The following PREP variants were observed in gnomAD, a reference collection of about 807,000 sequenced individuals.
PREP encodes prolyl endopeptidase, also known as dJ355L5.1 (prolyl endopeptidase).
A neutral mutation model predicts 87.6 loss-of-function variants in PREP; 29 were observed. That is an observed-to-expected ratio of 0.33 (90% CI 0.25 to 0.45). The LOEUF is 0.45. Ranked by LOEUF, PREP falls within the 20% of genes least tolerant of loss-of-function variation. The pLI, the probability that PREP is intolerant of heterozygous loss-of-function variation, is 1.00. For missense variants in PREP, 695 were observed against 886.5 expected, an observed-to-expected ratio of 0.78 and a Z score of 2.74; for synonymous variants, 337 against 328.6, an observed-to-expected ratio of 1.03 and a Z score of -0.28.
chr6:105,378,439 G>A (rs965400324), intron 2 of PREP, among the ~76,000 whole-genome samples: 3 of 152,188 alleles, frequency 2.0e-5, no homozygotes. Context: ...CAGCCTGGGC[G>A]ACACAGGGAG....
rs918467379 is a variant in PREP at position 105,281,536 on chromosome 6, C to G, written c.1838+210G>C. 4 of 532,758 alleles carry G rather than the reference C, an allele frequency of 7.5e-6. No individual in the cohort carries two copies. The South Asian group carries it at 1.2e-4, about 15-fold the overall frequency. The allele number at this position is 532,758 out of a possible 1,614,324, so 33.0% of individuals were successfully genotyped here. ...ATCTTGGGAGGCCATCTGTAGAATT[C>G]TGCCCTACCACATTTTTTGTAGTTT... On this transcript the variant is annotated intron_variant, in intron 14 of 14. Transcript: ENST00000652536.
chr6:105,382,070 C>G (rs1357486763), intron 2 of PREP, among the ~76,000 whole-genome samples: 1 of 151,908 alleles, frequency 6.6e-6, no homozygotes, highest in Non-Finnish European at 1.5e-5. Flanking sequence ...ATGAATACCT[C>G]ATGCTCTCAC....
In PREP at chr6:105,290,321, CAA is replaced by C. The variant is rs765953684; in HGVS notation, c.1318-1429_1318-1428del. Among the ~76,000 whole-genome samples the C allele has an allele frequency of 3.3e-5, 5 of 152,260 alleles. No individual in the cohort carries two copies. In the South Asian group the frequency reaches 6.2e-4, roughly 19 times the overall value. ...GAGCTAAAATACATAGCCTTCAACT[CAA>C]GAGTTAGAATTCACAGCACTATACC... On this transcript the variant is annotated intron_variant, in intron 10 of 14. Coordinates refer to ENST00000652536, the MANE Select transcript of PREP (RefSeq NM_002726.5).
chr6:105,340,056 T>A (rs1044449319), intron 7 of PREP, among the ~76,000 whole-genome samples: 5 of 151,818 alleles, frequency 3.3e-5, no homozygotes, highest in African/African-American at 1.2e-4. Context: ...ACAGAGATAC[T>A]CCTCGAGAAG....
chr6:105,393,829 C>T (rs1271138071), intron 2 of PREP, among the ~76,000 whole-genome samples: 2 of 151,860 alleles, frequency 1.3e-5, no homozygotes, highest in Non-Finnish European at 2.9e-5. Context: ...TAGATTAAAT[C>T]GAAACTCTAT....
At chr6:105,340,599 A>G in intron 7 of PREP, among the ~76,000 whole-genome samples, 1 of 152,234 alleles carries the variant, frequency 6.6e-6, no homozygotes, top group Non-Finnish European at 1.5e-5. Context: ...AGATTGGCAA[A>G]TTGGATAAAG....
At chr6:105,306,889 C>T (rs1770668283) in intron 10 of PREP, among the ~76,000 whole-genome samples, 2 of 152,178 alleles carry the variant, frequency 1.3e-5, no homozygotes, top group African/African-American at 2.4e-5. Context: ...TCCAGGCTCA[C>T]ATGCTATGGG....
chr6:105,392,882 C>G (rs1773193636), intron 2 of PREP, among the ~76,000 whole-genome samples: 2 of 152,110 alleles, frequency 1.3e-5, no homozygotes, highest in South Asian at 4.1e-4. Context: ...CGGCCCCATG[C>G]TGACCTGTTC....
rs1446903874 is a variant in PREP at position 105,274,599 on chromosome 6, C to G, written c.*3545G>C. On this transcript the variant is annotated 3_prime_UTR_variant, in exon 15 of 15. Transcript: ENST00000652536. ...TGGCCAACATGGTGAAACCCCATCT[C>G]TACTAAAAATACAAAAAGATTAGCC... Among the ~76,000 whole-genome samples the G allele has an allele frequency of 6.6e-6, 1 of 152,050 alleles. No homozygotes were observed. Among genetic ancestry groups the G allele is most frequent in the Non-Finnish European group, 1.5e-5 (1 of 68,024 alleles).
chr6:105,342,260 A>G (rs1382544267), intron 7 of PREP, among the ~76,000 whole-genome samples: 2 of 152,256 alleles, frequency 1.3e-5, no homozygotes, highest in East Asian at 1.9e-4. Flanking sequence ...AATCCATCAT[A>G]TAAACAGAAT....
rs1314678563 is a variant in PREP, at chr6:105,274,989, T to G, written c.*3155A>C. Among the ~76,000 whole-genome samples, 1 of 152,178 alleles carries G rather than the reference T, an allele frequency of 6.6e-6. No homozygotes were observed. Among genetic ancestry groups the G allele is most frequent in the Non-Finnish European group, 1.5e-5 (1 of 68,026 alleles). On this transcript the variant is annotated 3_prime_UTR_variant, in exon 15 of 15. Coordinates refer to ENST00000652536, the MANE Select transcript of PREP (RefSeq NM_002726.5). ...TACCATCTGTCTCCTCCCTGGAATA[T>G]CAACTGGATGAGGGCAGGACATTTT...
chr6:105,351,711 C>T (rs1398419518), intron 7 of PREP, among the ~76,000 whole-genome samples: 1 of 152,186 alleles, frequency 6.6e-6, no homozygotes, highest in African/African-American at 2.4e-5. Context: ...TTCGTTCAGG[C>T]TCAATCTTAA....
At chr6:105,385,612 T>C (rs1772971424) in intron 2 of PREP, among the ~76,000 whole-genome samples, 1 of 152,220 alleles carries the variant, frequency 6.6e-6, no homozygotes, top group African/African-American at 2.4e-5. Flanking sequence ...TTGTCCCAGA[T>C]AACTCTAAGG....
At chr6:105,295,981 G>A (rs542752176) in intron 10 of PREP, among the ~76,000 whole-genome samples, 1 of 152,308 alleles carries the variant, frequency 6.6e-6, no homozygotes, top group South Asian at 2.1e-4. Context: ...CTCGTGGTAT[G>A]ATTTATGTAT....
intron 10 of PREP, among the ~76,000 whole-genome samples, chr6:105,314,681 A>G (rs1770825122): frequency 6.6e-6 from 1 of 152,172 alleles, no homozygotes; most frequent in African/African-American, 2.4e-5. Flanking sequence ...GACTTCCCCC[A>G]TAGAGGTCCT....
chr6:105,393,923 C>CTTT lies in PREP; in HGVS notation c.120+3927_120+3929dup, dbSNP rs571952819. ...CCATATAAAATATTAAGGTATTTTA[C>CTTT]TTTTTTTTTTTTCAAACTAAGTGTT... On this transcript the variant is annotated intron_variant, in intron 2 of 14. Transcript: ENST00000652536. Among the ~76,000 whole-genome samples the CTTT allele has an allele frequency of 1.8e-3, 255 of 145,710 alleles. 1 individual carries two copies. The highest frequency in any genetic ancestry group is 5.7e-3 in the African/African-American group (230 of 40,086).
In PREP at chr6:105,274,804, G is replaced by C. The variant is rs994054955; in HGVS notation, c.*3340C>G. On this transcript the variant is annotated 3_prime_UTR_variant, in exon 15 of 15. Transcript: ENST00000652536. ...TGCAGTATCCAAGGCCCAGCTCCTGGGGTTACTGCCCTGCCTGCCCACCTC... is the reference window on the plus strand; with the variant it reads ...TGCAGTATCCAAGGCCCAGCTCCTGCGGTTACTGCCCTGCCTGCCCACCTC... 3.3e-5 allele frequency among the ~76,000 whole-genome samples: 5 copies of C among 152,116 alleles called. No homozygotes were observed. The highest frequency in any genetic ancestry group is 7.2e-5 in the African/African-American group (3 of 41,424).
intron 2 of PREP, among the ~76,000 whole-genome samples, chr6:105,396,681 C>G (rs190368328): frequency 7.9e-5 from 12 of 151,336 alleles, no homozygotes; most frequent in Admixed American, 7.9e-4. Context: ...ACCTAGAGTG[C>G]CATTTAACCT....
Position 105,311,308 on chromosome 6 carries a change from C to T in PREP, c.1317+12357G>A, listed in dbSNP as rs142081544. Among the ~76,000 whole-genome samples the T allele has an allele frequency of 7.9e-3, 1,203 of 152,340 alleles. 10 individuals carry two copies. Among genetic ancestry groups the T allele is most frequent in the Non-Finnish European group, 0.011 (716 of 68,040 alleles). ...GGAATGAATCTGACATTCCCTAACA[C>T]GGCCATGAGGCTCTCTGCCTTCCCC... is the stretch of plus-strand genomic sequence containing the variant. On this transcript the variant is annotated intron_variant, in intron 10 of 14. Transcript: ENST00000652536.
Sources: allele counts gnomAD v4.1 joint callset (sites outside exome capture counted in the v4.1 genomes callset), GRCh38; gene constraint gnomAD v4.1.1; transcripts MANE v1.5; gene names NCBI Gene and HGNC (gene_info 2026-07-23, HGNC 2026-07-21).